The following TRABD2B variants were observed in gnomAD, a reference collection of about 807,000 sequenced individuals.
TRABD2B encodes the protein metalloprotease TIKI2.
TRABD2B carries 14 observed loss-of-function variants against 40.1 expected under a neutral mutation model. The observed-to-expected ratio is 0.35, with a 90% CI of 0.23 to 0.55. The LOEUF is 0.55. TRABD2B is among the 20% of genes least tolerant of loss of function. The pLI is 0.90. For synonymous variants in TRABD2B, 263 were observed against 277.0 expected (o/e 0.95, Z 0.50); for missense variants, 541 against 648.6 (o/e 0.83, Z 1.80).
intron 2 of TRABD2B, among the ~76,000 whole-genome samples, chr1:47,887,128 T>A (rs1176225247): frequency 6.6e-6 from 1 of 152,200 alleles, no homozygotes; most frequent in Non-Finnish European, 1.5e-5. Context: ...AATCTAGTGA[T>A]AATAATTCCA....
chr1:47,915,737 C>T (rs931704332), intron 2 of TRABD2B, among the ~76,000 whole-genome samples: 1 of 152,308 alleles, frequency 6.6e-6, no homozygotes, highest in East Asian at 1.9e-4. Flanking sequence ...TGGCTCCTCT[C>T]GCCTTTGGGG....
rs141365302 is a variant in TRABD2B, at chr1:47,983,011, C to T, written c.666+11023G>A. On this transcript the variant is annotated intron_variant, in intron 2 of 6. Coordinates refer to ENST00000606738, the MANE Select transcript of TRABD2B (RefSeq NM_001194986.2). ...TATACCCAGAGGACTATAAATCATT[C>T]TACCATAGAGACACAGGTTTGCTAA... Among the ~76,000 whole-genome samples the T allele has an allele frequency of 7.6e-4, 116 of 152,268 alleles. 1 individual carries two copies. Among genetic ancestry groups the T allele is most frequent in the African/African-American group, 2.6e-3 (106 of 41,552 alleles).
At chr1:47,953,613 T>A (rs1159369685) in intron 2 of TRABD2B, among the ~76,000 whole-genome samples, 1 of 152,184 alleles carries the variant, frequency 6.6e-6, no homozygotes, top group Non-Finnish European at 1.5e-5. Flanking sequence ...CTCTGAGACC[T>A]TGAGCTAGTC....
intron 2 of TRABD2B, among the ~76,000 whole-genome samples, chr1:47,884,193 T>G (rs1012886051): frequency 6.6e-6 from 1 of 152,172 alleles, no homozygotes; most frequent in African/African-American, 2.4e-5. Context: ...TTTCCTATGC[T>G]CTTTGAAAAC....
chr1:47,836,810 A>G (rs911762497), intron 2 of TRABD2B, among the ~76,000 whole-genome samples: 14 of 152,192 alleles, frequency 9.2e-5, no homozygotes, highest in African/African-American at 3.4e-4. Flanking sequence ...CCATATGAGG[A>G]CACAGCTAGA....
intron 2 of TRABD2B, among the ~76,000 whole-genome samples, chr1:47,852,637 G>A (rs1003051145): frequency 2.0e-5 from 3 of 152,194 alleles, no homozygotes; most frequent in Non-Finnish European, 2.9e-5. Flanking sequence ...AGCTCCCTCT[G>A]AGCCTATCCA....
At chr1:47,899,478 C>T (rs904465154) in intron 2 of TRABD2B, among the ~76,000 whole-genome samples, 1 of 152,216 alleles carries the variant, frequency 6.6e-6, no homozygotes, top group Non-Finnish European at 1.5e-5. Context: ...CTGTGGCCCA[C>T]TCCATTACAT....
intron 2 of TRABD2B, among the ~76,000 whole-genome samples, chr1:47,897,100 G>A (rs1265181505): frequency 6.6e-6 from 1 of 152,202 alleles, no homozygotes; most frequent in Admixed American, 6.5e-5. Flanking sequence ...GACAGGAAGT[G>A]TTATGGGAAA....
At chr1:47,821,121 C>A (rs1257103802) in intron 2 of TRABD2B, among the ~76,000 whole-genome samples, 2 of 152,214 alleles carry the variant, frequency 1.3e-5, no homozygotes, top group African/African-American at 4.8e-5. Flanking sequence ...TGAGCTGAAA[C>A]GGCCTCCTGT....
chr1:47,929,508 C>T (rs1645012006), intron 2 of TRABD2B, among the ~76,000 whole-genome samples: 1 of 152,220 alleles, frequency 6.6e-6, no homozygotes, highest in Non-Finnish European at 1.5e-5. Context: ...GCAGACATTG[C>T]ATCAGCACTT....
chr1:47,877,306 T>TC (rs1025725815), intron 2 of TRABD2B, among the ~76,000 whole-genome samples: 4 of 151,906 alleles, frequency 2.6e-5, no homozygotes, highest in African/African-American at 9.7e-5. Context: ...GGAGGCCAGC[T>TC]CCAGGGCAGC....
intron 3 of TRABD2B, among the ~76,000 whole-genome samples, chr1:47,796,732 A>G (rs1644753578): frequency 6.6e-6 from 1 of 152,220 alleles, no homozygotes; most frequent in South Asian, 2.1e-4. Flanking sequence ...ATAGCTATAG[A>G]CAGCAGTGTT....
chr1:47,974,371 GCTC>G (rs1419109921), intron 2 of TRABD2B, among the ~76,000 whole-genome samples: 1 of 151,972 alleles, frequency 6.6e-6, no homozygotes, highest in African/African-American at 2.4e-5. Context: ...TTCATGGCTG[GCTC>G]CTCCTCATCC....
At chr1:47,796,477 G>C (rs1363748062) in intron 3 of TRABD2B, among the ~76,000 whole-genome samples, 1 of 152,210 alleles carries the variant, frequency 6.6e-6, no homozygotes, top group African/African-American at 2.4e-5. Flanking sequence ...CTGCAGTGTT[G>C]TCAACACTCC....
At chr1:47,875,342 C>T (rs773741413) in intron 2 of TRABD2B, among the ~76,000 whole-genome samples, 10 of 150,970 alleles carry the variant, frequency 6.6e-5, no homozygotes, top group Non-Finnish European at 5.9e-5. Flanking sequence ...AGATATGCTG[C>T]CCTTAAAGCT....
chr1:47,900,447 G>A (rs957208886), intron 2 of TRABD2B, among the ~76,000 whole-genome samples: 1 of 152,114 alleles, frequency 6.6e-6, no homozygotes, highest in Non-Finnish European at 1.5e-5. Flanking sequence ...CCTGTAGGTT[G>A]TATAATTATC....
At chr1:47,931,431 A>G (rs1317678871) in intron 2 of TRABD2B, among the ~76,000 whole-genome samples, 1 of 149,096 alleles carries the variant, frequency 6.7e-6, no homozygotes. Context: ...CTATGTCCCC[A>G]CTCCTCAGAT....
At chr1:47,894,230 T>C (rs1644487552) in intron 2 of TRABD2B, among the ~76,000 whole-genome samples, 1 of 152,182 alleles carries the variant, frequency 6.6e-6, no homozygotes, top group African/African-American at 2.4e-5. Context: ...ACATCCTGGC[T>C]CTGACACTTA....
chr1:47,809,306 A>T (rs1644931674), intron 2 of TRABD2B, among the ~76,000 whole-genome samples: 2 of 152,190 alleles, frequency 1.3e-5, no homozygotes, highest in Admixed American at 6.5e-5. Flanking sequence ...CTCTGTCTTC[A>T]TCTTGACTAT....
Sources: gnomAD v4.1 joint callset for allele counts (sites outside exome capture counted in the v4.1 genomes callset) on GRCh38, gnomAD v4.1.1 for gene constraint, MANE v1.5 for transcripts, NCBI Gene and HGNC (gene_info 2026-07-23, HGNC 2026-07-21) for gene names.